Variants in NR5A2 observed in about 807,000 individuals in gnomAD.
NR5A2 encodes nuclear receptor subfamily 5 group A member 2.
A neutral mutation model predicts 62.7 loss-of-function variants in NR5A2; 26 were observed. The observed-to-expected ratio is 0.41, with a 90% CI of 0.30 to 0.58. The LOEUF is 0.58. Ranked by LOEUF, NR5A2 falls within the 20% of genes least tolerant of loss-of-function variation. NR5A2 has a pLI of 0.22. For synonymous variants in NR5A2, 246 were observed against 241.7 expected (o/e 1.02, Z -0.16); for missense variants, 541 against 669.1 (o/e 0.81, Z 2.11).
chr1:200,133,564 T>C (rs867793732), intron 7 of NR5A2, among the ~76,000 whole-genome samples: 7 of 123,796 alleles, frequency 5.7e-5, no homozygotes, highest in African/African-American at 1.8e-4. Context: ...TATACACACA[T>C]ATATATATAC....
intron 7 of NR5A2, among the ~76,000 whole-genome samples, chr1:200,148,676 C>T (rs1667838527): frequency 2.0e-5 from 3 of 152,168 alleles, no homozygotes. Flanking sequence ...ATAAAAATCT[C>T]CCTGGTAAAC....
intron 7 of NR5A2, among the ~76,000 whole-genome samples, chr1:200,134,529 G>T (rs909120551): frequency 7.9e-5 from 12 of 152,160 alleles, no homozygotes; most frequent in African/African-American, 2.9e-4. Context: ...CATATCCCGG[G>T]TGTGTAGTAA....
chr1:200,041,192 T>G (rs966962374), intron 2 of NR5A2, among the ~76,000 whole-genome samples: 1 of 152,262 alleles, frequency 6.6e-6, no homozygotes, highest in Non-Finnish European at 1.5e-5. Flanking sequence ...AGTTTCTGCT[T>G]CTTGTTCTGG....
intron 7 of NR5A2, chr1:200,148,280 G>T: frequency 5.0e-6 from 1 of 199,376 alleles, no homozygotes; most frequent in South Asian, 1.3e-4. Flanking sequence ...GGGCAGCCAT[G>T]GCTCTCCTGT....
At chr1:200,122,310 G>C (rs941319901) in intron 7 of NR5A2, among the ~76,000 whole-genome samples, 2 of 152,154 alleles carry the variant, frequency 1.3e-5, no homozygotes, top group Non-Finnish European at 1.5e-5. Flanking sequence ...TCTGGTTTAT[G>C]TTAAGATCTT....
chr1:200,091,066 C>T (rs1323276940), intron 5 of NR5A2, among the ~76,000 whole-genome samples: 1 of 152,032 alleles, frequency 6.6e-6, no homozygotes, highest in Non-Finnish European at 1.5e-5. Context: ...TCTGCTTGGC[C>T]CCAAGACAAT....
rs948049154 is a variant in NR5A2, at chr1:200,174,862, A to G, written c.*652A>G. Reference sequence around the variant, plus strand: ...ACAGCTAATAGGAAATTCTATTAATATGTTAGCTTGCCATTTTAAATATGT... The same window carrying G: ...ACAGCTAATAGGAAATTCTATTAATGTGTTAGCTTGCCATTTTAAATATGT... On this transcript the variant is annotated 3_prime_UTR_variant, in exon 8 of 8. Coordinates refer to ENST00000367362, the MANE Select transcript of NR5A2 (RefSeq NM_205860.3). 6.6e-6 allele frequency: 1 copy of G among 152,624 alleles called. No individual in the cohort carries two copies. Among genetic ancestry groups the G allele is most frequent in the African/African-American group, 2.4e-5 (1 of 41,434 alleles). 9.5% of individuals were successfully genotyped at this position (152,624 alleles called of 1,614,324 possible).
intron 5 of NR5A2, among the ~76,000 whole-genome samples, chr1:200,106,345 C>T (rs1469094974): frequency 6.6e-6 from 1 of 152,212 alleles, no homozygotes; most frequent in Non-Finnish European, 1.5e-5. Context: ...GCGTGAGCCA[C>T]CATGCCCGGC....
intron 5 of NR5A2, among the ~76,000 whole-genome samples, chr1:200,102,407 T>C (rs976136782): frequency 6.6e-6 from 1 of 152,192 alleles, no homozygotes; most frequent in Non-Finnish European, 1.5e-5. Flanking sequence ...ACTGAGTGAC[T>C]CTGGATTGAG....
chr1:200,102,657 T>G (rs1397258222), intron 5 of NR5A2, among the ~76,000 whole-genome samples: 1 of 152,182 alleles, frequency 6.6e-6, no homozygotes, highest in African/African-American at 2.4e-5. Flanking sequence ...TTTACTCCCA[T>G]TCCCAATTTA....
chr1:200,030,449 G>A (rs924338860), intron 1 of NR5A2, among the ~76,000 whole-genome samples: 1 of 152,182 alleles, frequency 6.6e-6, no homozygotes, highest in African/African-American at 2.4e-5. Context: ...ATTCATTGTA[G>A]TGTAAAAGCA....
At chr1:200,144,221 TCTCTCTCTCTCTCACACACACACA>T (rs1306694102) in intron 7 of NR5A2, among the ~76,000 whole-genome samples, 4 of 39,032 alleles carry the variant, frequency 1.0e-4, no homozygotes, top group East Asian at 6.3e-4. Flanking sequence ...TGTTTCTCTC[TCTCTCTCTCTCTCACACACACACA>T]CACACACACA....
At position 200,175,963 on chromosome 1, in the gene NR5A2, G is replaced by A. The variant is rs1412346738; in HGVS notation, c.*1753G>A. ...TAGACAATTATGATGCTAATTTATT[G>A]TTTCTTGGTTTCACCTTTGTATAAG... On this transcript the variant is annotated 3_prime_UTR_variant, in exon 8 of 8. Coordinates refer to ENST00000367362, the MANE Select transcript of NR5A2 (RefSeq NM_205860.3). 2 of 152,404 alleles carry A rather than the reference G, an allele frequency of 1.3e-5. No individual in the cohort carries two copies. The highest frequency in any genetic ancestry group is 2.9e-5 in the Non-Finnish European group (2 of 67,980). The allele number at this position is 152,404 out of a possible 1,614,324, so 9.4% of individuals were successfully genotyped here.
intron 7 of NR5A2, among the ~76,000 whole-genome samples, chr1:200,162,536 A>G (rs1194047980): frequency 6.6e-6 from 1 of 152,204 alleles, no homozygotes; most frequent in Non-Finnish European, 1.5e-5. Flanking sequence ...TAGAGGACAT[A>G]ATTGGATTCA....
intron 5 of NR5A2, among the ~76,000 whole-genome samples, chr1:200,107,703 G>A (rs377163069): frequency 2.0e-5 from 3 of 152,048 alleles, no homozygotes; most frequent in Admixed American, 2.0e-4. Flanking sequence ...GCAGTGACAC[G>A]ATCTCGGCTC....
intron 5 of NR5A2, among the ~76,000 whole-genome samples, chr1:200,065,209 T>C (rs1269290665): frequency 1.3e-5 from 2 of 152,152 alleles, no homozygotes; most frequent in African/African-American, 4.8e-5. Context: ...TGCAGTGGTG[T>C]GATCTTGGCT....
chr1:200,046,432 C>G (rs982129487), intron 4 of NR5A2, among the ~76,000 whole-genome samples: 1 of 152,046 alleles, frequency 6.6e-6, no homozygotes, highest in Non-Finnish European at 1.5e-5. Flanking sequence ...AAAGCAATAA[C>G]AGGGATACAT....
At chr1:200,093,730 T>G (rs2737667) in intron 5 of NR5A2, among the ~76,000 whole-genome samples, 47,240 of 152,138 alleles carry the variant, frequency 0.31, 8,112 homozygotes, top group East Asian at 0.54. Flanking sequence ...CCTCCTAGAC[T>G]TCCTTTTCCT....
chr1:200,037,709 C>T (rs144120759), intron 1 of NR5A2, among the ~76,000 whole-genome samples: 2 of 152,148 alleles, frequency 1.3e-5, no homozygotes, highest in Non-Finnish European at 2.9e-5. Context: ...AATGGACAGG[C>T]CTTCATAAGT....
Sources: allele counts gnomAD v4.1 joint callset (sites outside exome capture counted in the v4.1 genomes callset), GRCh38; gene constraint gnomAD v4.1.1; transcripts MANE v1.5; gene names NCBI Gene and HGNC (gene_info 2026-07-23, HGNC 2026-07-21).